ANKDD1A: variants seen among roughly 807,000 people sequenced by gnomAD.
The protein encoded by ANKDD1A is ankyrin repeat and death domain-containing protein 1A.
In ANKDD1A, 59 loss-of-function variants were observed where a neutral mutation model predicts 63.5. The ratio of observed to expected loss-of-function variants is 0.93; its 90% confidence interval spans 0.75 to 1.15. The LOEUF (loss-of-function observed/expected upper bound fraction) is 1.15, where lower values mean the gene tolerates loss of function less well. ANKDD1A is among the 50% of genes most tolerant of loss of function. ANKDD1A has a pLI of 0.00. For missense variants in ANKDD1A, 632 were observed against 656.4 expected (o/e 0.96, Z 0.41); for synonymous variants, 266 against 263.9 (o/e 1.01, Z -0.08).
chr15:64,947,611 C>T lies in ANKDD1A; in HGVS notation c.1351+18C>T. On this transcript the variant is annotated intron_variant, in intron 13 of 14. Coordinates refer to ENST00000319580, the MANE Select transcript of ANKDD1A (RefSeq NM_182703.6). ...GTGGACAGGTACCACCTTGCCTCTC[C>T]TCGCCCTAAGCAACCATTGGGCGGA... is the stretch of plus-strand genomic sequence containing the variant. 1 of 1,611,892 alleles carries T rather than the reference C, an allele frequency of 6.2e-7. No homozygotes were observed. Among genetic ancestry groups the T allele is most frequent in the East Asian group, 2.2e-5 (1 of 44,850 alleles).
At chr15:64,951,612 CTTAT>C (rs1595858465) in intron 14 of ANKDD1A, among the ~76,000 whole-genome samples, 1 of 40,720 alleles carries the variant, frequency 2.5e-5, no homozygotes, top group African/African-American at 7.3e-5. Flanking sequence ...CTTCTTGTTC[CTTAT>C]TCTTCTTCTC....
intron 3 of ANKDD1A, among the ~76,000 whole-genome samples, chr15:64,920,133 G>A (rs2084998116): frequency 6.6e-6 from 1 of 152,130 alleles, no homozygotes. Context: ...ACACACCCAA[G>A]GAGGCACTGC....
intron 9 of ANKDD1A, among the ~76,000 whole-genome samples, chr15:64,935,325 G>C (rs1025505606): frequency 6.6e-6 from 1 of 151,636 alleles, no homozygotes; most frequent in Non-Finnish European, 1.5e-5. Context: ...GAGGCTAGGA[G>C]TTCGAGACCA....
chr15:64,956,865 T>C (rs1460123062), intron 14 of ANKDD1A, among the ~76,000 whole-genome samples: 1 of 152,198 alleles, frequency 6.6e-6, no homozygotes, highest in East Asian at 1.9e-4. Context: ...TTTTGGATTC[T>C]TAAAACTTAA....
intron 4 of ANKDD1A, chr15:64,922,340 G>A (rs972187786): frequency 8.1e-5 from 23 of 283,482 alleles, no homozygotes; most frequent in East Asian, 8.4e-5. Flanking sequence ...TGCTCAGTGC[G>A]GTGGGGTGAA....
intron 4 of ANKDD1A, among the ~76,000 whole-genome samples, chr15:64,925,353 A>G (rs2085038531): frequency 6.6e-6 from 1 of 152,152 alleles, no homozygotes; most frequent in Admixed American, 6.5e-5. Flanking sequence ...GGTTGCAAAC[A>G]GGACTTCAAA....
At chr15:64,919,519 C>A (rs574978263) in intron 3 of ANKDD1A, among the ~76,000 whole-genome samples, 1 of 152,166 alleles carries the variant, frequency 6.6e-6, no homozygotes, top group South Asian at 2.1e-4. Context: ...AGGCTCTATG[C>A]GAGATCCAAC....
intron 6 of ANKDD1A, among the ~76,000 whole-genome samples, chr15:64,929,233 G>A (rs941615345): frequency 2.0e-5 from 3 of 152,084 alleles, no homozygotes; most frequent in African/African-American, 7.2e-5. Context: ...GAGTGTAGTG[G>A]CGTAATCACA....
chr15:64,951,108 CACTGTTA>C (rs1403597629), intron 14 of ANKDD1A: 6 of 1,171,712 alleles, frequency 5.1e-6, no homozygotes, highest in Non-Finnish European at 6.4e-6. Flanking sequence ...TTTAAAAAAT[CACTGTTA>C]ACAGACCTCC....
chr15:64,921,804 T>G, intron 3 of ANKDD1A, 117 bp from the exon 4 acceptor site: 1 of 815,752 alleles, frequency 1.2e-6, no homozygotes, highest in Non-Finnish European at 2.0e-6. Context: ...GCTCCCTGGA[T>G]TAAGTGGCAC....
chr15:64,916,965 GC>G (rs1487435484), intron 2 of ANKDD1A, among the ~76,000 whole-genome samples: 2 of 152,320 alleles, frequency 1.3e-5, no homozygotes, highest in African/African-American at 4.8e-5. Flanking sequence ...GCACTCCAGT[GC>G]CTCTCAGGGA....
intron 14 of ANKDD1A, 92 bp from the exon 15 acceptor site, chr15:64,957,011 G>A (rs748401352): frequency 7.0e-6 from 3 of 428,944 alleles, no homozygotes; most frequent in Non-Finnish European, 9.2e-6. Context: ...CGAGCTAAAT[G>A]TATGCTCTTA....
At chr15:64,932,079 A>G (rs2085095824) in intron 8 of ANKDD1A, 1 of 160,422 alleles carries the variant, frequency 6.2e-6, no homozygotes, top group Admixed American at 6.1e-5. Context: ...TTTTTTGGGT[A>G]GAGACAGGGT....
chr15:64,930,259 T>TA (rs11430089), intron 6 of ANKDD1A, among the ~76,000 whole-genome samples: 118 of 145,050 alleles, frequency 8.1e-4, no homozygotes, highest in Admixed American at 1.8e-3. Flanking sequence ...AAAGTAAAAT[T>TA]AAAAAAAAAA....
At chr15:64,915,636 C>G (rs975607579) in intron 1 of ANKDD1A, among the ~76,000 whole-genome samples, 161 bp from the exon 2 acceptor site, 9 of 152,142 alleles carry the variant, frequency 5.9e-5, no homozygotes, top group African/African-American at 2.2e-4. Context: ...GGGGAGGACC[C>G]TGACCTTGAG....
Position 64,940,542 on chromosome 15 carries a change from C to T in ANKDD1A, c.868-1925C>T, listed in dbSNP as rs75522629. On this transcript the variant is annotated intron_variant, in intron 9 of 14. Coordinates refer to ENST00000319580, the MANE Select transcript of ANKDD1A (RefSeq NM_182703.6). The stretch of plus-strand genomic sequence containing the variant: ...CCGCCTTCCAGGTTCACGCCATTCT[C>T]CTGCCTCAGCCTCCCGAGTAGCTGG... Among the ~76,000 whole-genome samples the T allele has an allele frequency of 2.0e-4, 30 of 152,188 alleles. No individual in the cohort carries two copies. In the East Asian group the frequency reaches 3.7e-3, roughly 19 times the overall value.
intron 12 of ANKDD1A, among the ~76,000 whole-genome samples, chr15:64,946,317 A>T (rs2085222575): frequency 6.6e-6 from 1 of 152,180 alleles, no homozygotes; most frequent in Non-Finnish European, 1.5e-5. Context: ...AACTTAGTAA[A>T]CTTCTTATCC....
intron 11 of ANKDD1A, 55 bp downstream of exon 11, chr15:64,943,637 A>G: frequency 6.5e-7 from 1 of 1,528,428 alleles, no homozygotes; most frequent in African/African-American, 1.4e-5. Context: ...CCCCCTTGCC[A>G]GAGACCCTGC....
chr15:64,915,899 A>ACGTG lies in ANKDD1A; in HGVS notation c.138+3_138+6dup. On this transcript the variant is annotated frameshift_variant and splice_region_variant, in exon 2 of 15. Coordinates refer to ENST00000319580, the MANE Select transcript of ANKDD1A (RefSeq NM_182703.6). LOFTEE classifies it high-confidence loss of function. ...AGGGTTAACACCAGGGCCAGAAACC[A>ACGTG]CGTGCGTAATGAGCTTCTCTGAATC... The ACGTG allele has an allele frequency of 6.2e-7, 1 of 1,613,264 alleles. No individual in the cohort carries two copies. Among genetic ancestry groups the ACGTG allele is most frequent in the East Asian group, 2.2e-5 (1 of 44,848 alleles).
Sources: allele counts gnomAD v4.1 joint callset (sites outside exome capture counted in the v4.1 genomes callset), GRCh38; gene constraint gnomAD v4.1.1; transcripts MANE v1.5; gene names NCBI Gene and HGNC (gene_info 2026-07-23, HGNC 2026-07-21).